The following KCNIP4 variants were observed in gnomAD, a reference collection of about 807,000 sequenced individuals.
KCNIP4 encodes Kv channel-interacting protein 4.
Under a neutral mutation model 34.0 loss-of-function variants are expected in KCNIP4, and 12 were observed. That is an observed-to-expected ratio of 0.35 (90% CI 0.23 to 0.57). KCNIP4 has a LOEUF of 0.57. KCNIP4 is among the 20% of genes least tolerant of loss of function. The pLI, the probability that KCNIP4 is intolerant of heterozygous loss-of-function variation, is 0.83. For synonymous variants in KCNIP4, 124 were observed against 102.2 expected, an observed-to-expected ratio of 1.21 and a Z score of -1.29; for missense variants, 238 against 311.7, an observed-to-expected ratio of 0.76 and a Z score of 1.78.
intron 1 of KCNIP4, chr4:21,544,366 A>G (rs947972248): frequency 2.0e-5 from 3 of 152,176 alleles, no homozygotes; most frequent in Non-Finnish European, 4.4e-5. Context: ...GTAGTTTAAA[A>G]TAAGTATCTA....
chr4:21,267,349 G>A (rs2109122634), intron 1 of KCNIP4, among the ~76,000 whole-genome samples: 1 of 145,134 alleles, frequency 6.9e-6, no homozygotes, highest in African/African-American at 2.7e-5. Flanking sequence ...CATGAATAAA[G>A]GTAGATTAAA....
At chr4:20,947,716 A>C (rs1292130051) in intron 1 of KCNIP4, among the ~76,000 whole-genome samples, 2 of 152,236 alleles carry the variant, frequency 1.3e-5, no homozygotes, top group Admixed American at 1.3e-4. Flanking sequence ...AATCATAACA[A>C]CAACAACAAC....
At chr4:21,710,126 AG>A (rs1262758143) in intron 1 of KCNIP4, among the ~76,000 whole-genome samples, 3 of 152,242 alleles carry the variant, frequency 2.0e-5, no homozygotes, top group Admixed American at 2.0e-4. Context: ...GCAGAATATT[AG>A]ATGATGTGGA....
At chr4:21,033,502 C>A (rs1184190073) in intron 1 of KCNIP4, among the ~76,000 whole-genome samples, 2 of 152,196 alleles carry the variant, frequency 1.3e-5, no homozygotes, top group African/African-American at 2.4e-5. Context: ...GCCCTAGGGG[C>A]ATGCATACTC....
At chr4:20,839,536 TTA>T (rs913212774) in intron 3 of KCNIP4, among the ~76,000 whole-genome samples, 7 of 148,864 alleles carry the variant, frequency 4.7e-5, no homozygotes, top group South Asian at 2.1e-4. Context: ...AAAAGCAAAT[TTA>T]TATATATATA....
chr4:21,001,384 T>G (rs1045317939), intron 1 of KCNIP4, among the ~76,000 whole-genome samples: 1 of 152,196 alleles, frequency 6.6e-6, no homozygotes, highest in Non-Finnish European at 1.5e-5. Flanking sequence ...CCCTTTAACC[T>G]GCCCTCCAAG....
chr4:21,744,131 C>T (rs534277084), intron 1 of KCNIP4, among the ~76,000 whole-genome samples: 1 of 152,250 alleles, frequency 6.6e-6, no homozygotes, highest in Admixed American at 6.5e-5. Context: ...AAACATTTTG[C>T]AGACCTATTA....
At chr4:21,823,105 T>C (rs1269868339) in intron 1 of KCNIP4, among the ~76,000 whole-genome samples, 1 of 152,102 alleles carries the variant, frequency 6.6e-6, no homozygotes, top group Non-Finnish European at 1.5e-5. Flanking sequence ...AGCATGCATA[T>C]CTCTTAAAAT....
At chr4:21,484,759 CTCTT>C (rs910025249) in intron 1 of KCNIP4, among the ~76,000 whole-genome samples, 7 of 152,186 alleles carry the variant, frequency 4.6e-5, no homozygotes, top group African/African-American at 1.7e-4. Flanking sequence ...TAAAACTGAC[CTCTT>C]TCTTCTCCAA....
chr4:21,150,672 G>T (rs1289000771), intron 1 of KCNIP4, among the ~76,000 whole-genome samples: 2 of 152,160 alleles, frequency 1.3e-5, no homozygotes, highest in Non-Finnish European at 2.9e-5. Context: ...TGTGTGTGTG[G>T]TTACCCACAC....
chr4:21,754,485 C>T (rs1331362203), intron 1 of KCNIP4, among the ~76,000 whole-genome samples: 1 of 152,216 alleles, frequency 6.6e-6, no homozygotes, highest in East Asian at 1.9e-4. Context: ...TAACCATAAG[C>T]AATAGGTATG....
intron 3 of KCNIP4, among the ~76,000 whole-genome samples, chr4:20,841,715 C>T (rs1438821511): frequency 6.6e-6 from 1 of 151,110 alleles, no homozygotes; most frequent in Non-Finnish European, 1.5e-5. Context: ...TCTTACACTC[C>T]ATTTTGCTTA....
chr4:21,797,878 G>A (rs748547728), intron 1 of KCNIP4, among the ~76,000 whole-genome samples: 1 of 152,132 alleles, frequency 6.6e-6, no homozygotes, highest in Non-Finnish European at 1.5e-5. Context: ...AGGTTCCCAT[G>A]TCATTCCTAA....
intron 3 of KCNIP4, among the ~76,000 whole-genome samples, chr4:20,820,860 A>G (rs1417291955): frequency 6.6e-6 from 1 of 152,228 alleles, no homozygotes; most frequent in African/African-American, 2.4e-5. Flanking sequence ...AAACAGGTAC[A>G]GGTTTAATGC....
intron 1 of KCNIP4, among the ~76,000 whole-genome samples, chr4:21,920,522 CT>C (rs1451905248): frequency 6.6e-6 from 1 of 152,044 alleles, no homozygotes; most frequent in Non-Finnish European, 1.5e-5. Flanking sequence ...ACAGTGTACA[CT>C]TCTCTGGTGA....
chr4:21,343,900 A>T (rs1717023500), intron 1 of KCNIP4, among the ~76,000 whole-genome samples: 2 of 152,044 alleles, frequency 1.3e-5, no homozygotes, highest in African/African-American at 4.8e-5. Flanking sequence ...AAATTATCAC[A>T]ACCACACTCC....
At chr4:20,759,386 A>G (rs1214615642) in intron 3 of KCNIP4, among the ~76,000 whole-genome samples, 3 of 152,176 alleles carry the variant, frequency 2.0e-5, no homozygotes, top group African/African-American at 7.2e-5. Flanking sequence ...CAGGATGTCT[A>G]GGCATACCCA....
At position 21,089,107 on chromosome 4, in the gene KCNIP4, A is replaced by G. The variant is rs566782543; in HGVS notation, c.62-206398T>C. Among the ~76,000 whole-genome samples, 10 of 152,284 alleles carry G rather than the reference A, an allele frequency of 6.6e-5. No individual in the cohort carries two copies. The East Asian group carries it at 1.7e-3, about 26-fold the overall frequency. ...CTAAAATTTTAGCAAGTTTTACCAT[A>G]TCCCCTTTGTATGGTTTGGATTTGT... is the stretch of plus-strand genomic sequence containing the variant. On this transcript the variant is annotated intron_variant, in intron 1 of 8. Transcript: ENST00000382152.
At chr4:21,353,412 T>A (rs1718224683) in intron 1 of KCNIP4, among the ~76,000 whole-genome samples, 1 of 152,136 alleles carries the variant, frequency 6.6e-6, no homozygotes, top group Admixed American at 6.6e-5. Context: ...AAAGGTTAGA[T>A]GAATGGCTAA....
Sources: allele counts gnomAD v4.1 joint callset (sites outside exome capture counted in the v4.1 genomes callset), GRCh38; gene constraint gnomAD v4.1.1; transcripts MANE v1.5; gene names NCBI Gene and HGNC (gene_info 2026-07-23, HGNC 2026-07-21).